The following RCAN2 variants were observed in gnomAD, a reference collection of about 807,000 sequenced individuals.
RCAN2 encodes regulator of calcineurin 2.
A neutral mutation model predicts 23.6 loss-of-function variants in RCAN2; 9 were observed. That is an observed-to-expected ratio of 0.38 (90% CI 0.23 to 0.67). The LOEUF (loss-of-function observed/expected upper bound fraction) is 0.67, where lower values mean the gene tolerates loss of function less well. Ranked by LOEUF, RCAN2 falls within the 30% of genes least tolerant of loss-of-function variation. The pLI is 0.51. For synonymous variants in RCAN2, 109 were observed against 115.7 expected (o/e 0.94, Z 0.37); for missense variants, 273 against 302.3 (o/e 0.90, Z 0.72).
At chr6:46,438,934 T>C (rs541701546) in intron 2 of RCAN2, among the ~76,000 whole-genome samples, 6 of 152,348 alleles carry the variant, frequency 3.9e-5, no homozygotes, top group African/African-American at 1.4e-4. Flanking sequence ...AGTGTATTTA[T>C]AAGTCACTGT....
intron 2 of RCAN2, among the ~76,000 whole-genome samples, chr6:46,422,685 T>C (rs1427575123): frequency 6.6e-6 from 1 of 151,950 alleles, no homozygotes; most frequent in Non-Finnish European, 1.5e-5. Flanking sequence ...TGAGTAAATG[T>C]AGTTAATTTA....
intron 2 of RCAN2, among the ~76,000 whole-genome samples, chr6:46,267,828 AATCTGTCATCTGTCTT>A (rs1480512676): frequency 1.4e-4 from 21 of 152,204 alleles, no homozygotes; most frequent in Non-Finnish European, 4.4e-5. Flanking sequence ...CTAGATGTAA[AATCTGTCATCTGTCTT>A]AAGAAAATCA....
chr6:46,347,021 A>G (rs1237411220), intron 2 of RCAN2, among the ~76,000 whole-genome samples: 1 of 151,866 alleles, frequency 6.6e-6, no homozygotes, highest in Non-Finnish European at 1.5e-5. Flanking sequence ...GACTACAGGC[A>G]CCCGCCACCA....
chr6:46,237,755 T>C (rs935750587), intron 4 of RCAN2, among the ~76,000 whole-genome samples: 39 of 152,318 alleles, frequency 2.6e-4, no homozygotes, highest in Admixed American at 9.8e-4. Context: ...AGGTAACAAA[T>C]ATGCTATGCG....
At chr6:46,466,473 C>T (rs996926034) in intron 1 of RCAN2, among the ~76,000 whole-genome samples, 1 of 152,106 alleles carries the variant, frequency 6.6e-6, no homozygotes, top group African/African-American at 2.4e-5. Context: ...GGAGGCAGGT[C>T]ACACTCCCTT....
chr6:46,472,862 A>T (rs775616033), intron 1 of RCAN2, among the ~76,000 whole-genome samples: 1 of 152,196 alleles, frequency 6.6e-6, no homozygotes, highest in Non-Finnish European at 1.5e-5. Flanking sequence ...AAGAGAGTAC[A>T]GGAACACTGG....
chr6:46,369,125 A>G (rs1765255677), intron 2 of RCAN2, among the ~76,000 whole-genome samples: 1 of 152,044 alleles, frequency 6.6e-6, no homozygotes, highest in African/African-American at 2.4e-5. Flanking sequence ...AACACACATT[A>G]GCCTAGGTCT....
chr6:46,269,695 G>A lies in RCAN2; in HGVS notation c.226-20799C>T, dbSNP rs189685899. The stretch of plus-strand genomic sequence containing the variant: ...TTGGATGGTAGGCTGAGGCCTGTGA[G>A]TGGAGGTTTTGTGTACAGGAGCTTC... On this transcript the variant is annotated intron_variant, in intron 2 of 4. Coordinates refer to ENST00000371374, the MANE Select transcript of RCAN2 (RefSeq NM_001251974.2). Among the ~76,000 whole-genome samples the A allele has an allele frequency of 4.0e-4, 61 of 152,328 alleles. 2 individuals are homozygous for A. In the East Asian group the frequency reaches 0.011, roughly 28 times the overall value.
At chr6:46,428,211 C>T (rs1196812375) in intron 2 of RCAN2, among the ~76,000 whole-genome samples, 1 of 152,176 alleles carries the variant, frequency 6.6e-6, no homozygotes, top group African/African-American at 2.4e-5. Flanking sequence ...TCTAAGGGTA[C>T]CAGCCAATGA....
At chr6:46,311,982 T>A (rs1192621873) in intron 2 of RCAN2, among the ~76,000 whole-genome samples, 1 of 152,182 alleles carries the variant, frequency 6.6e-6, no homozygotes, top group African/African-American at 2.4e-5. Context: ...TTCTGTCCAG[T>A]TGAATCTGAG....
chr6:46,281,526 G>A (rs551288496), intron 2 of RCAN2, among the ~76,000 whole-genome samples: 1 of 152,186 alleles, frequency 6.6e-6, no homozygotes, highest in Non-Finnish European at 1.5e-5. Flanking sequence ...AAGTGAAAAG[G>A]GAGATTTGAA....
chr6:46,460,645 A>G (rs1768179147), intron 1 of RCAN2, among the ~76,000 whole-genome samples: 1 of 152,286 alleles, frequency 6.6e-6, no homozygotes, highest in African/African-American at 2.4e-5. Context: ...TGTGATTACT[A>G]CTTTACTAGT....
intron 2 of RCAN2, among the ~76,000 whole-genome samples, chr6:46,444,386 G>A (rs2150424569): frequency 6.6e-6 from 1 of 152,268 alleles, no homozygotes; most frequent in African/African-American, 2.4e-5. Flanking sequence ...TTTGGCTTGG[G>A]GAGGGCTACA....
intron 1 of RCAN2, among the ~76,000 whole-genome samples, chr6:46,463,933 G>A (rs994526198): frequency 1.3e-5 from 2 of 151,996 alleles, no homozygotes; most frequent in Non-Finnish European, 2.9e-5. Flanking sequence ...TTTGCAATAA[G>A]GGCAACAAAT....
At chr6:46,337,717 T>A (rs1372568) in intron 2 of RCAN2, among the ~76,000 whole-genome samples, 1 of 152,068 alleles carries the variant, frequency 6.6e-6, no homozygotes, top group South Asian at 2.1e-4. Context: ...AGCCAGAGGC[T>A]CAGTGAAGTT....
At chr6:46,484,079 T>C (rs1287312953) in intron 1 of RCAN2, among the ~76,000 whole-genome samples, 1 of 152,246 alleles carries the variant, frequency 6.6e-6, no homozygotes, top group African/African-American at 2.4e-5. Context: ...ACTGGACTTT[T>C]AGCTTTAACA....
chr6:46,468,833 C>T, intron 1 of RCAN2: 1 of 985,400 alleles, frequency 1.0e-6, no homozygotes, highest in Non-Finnish European at 1.2e-6. Flanking sequence ...TGAGTGACTT[C>T]CTGAGTCTCA....
chr6:46,354,009 T>C (rs1764746557), intron 2 of RCAN2, among the ~76,000 whole-genome samples: 2 of 152,200 alleles, frequency 1.3e-5, no homozygotes, highest in African/African-American at 4.8e-5. Flanking sequence ...GGCAGACATC[T>C]TTTGTTTGAC....
chr6:46,367,021 G>GTATATATATATATATATATA (rs1458476806), intron 2 of RCAN2, among the ~76,000 whole-genome samples: 1 of 40,202 alleles, frequency 2.5e-5, no homozygotes, highest in Non-Finnish European at 5.5e-5. Flanking sequence ...TATCTGGGAT[G>GTATATATATATATATATATA]GATATATATA....
Sources: gnomAD v4.1 joint callset for allele counts (sites outside exome capture counted in the v4.1 genomes callset) on GRCh38, gnomAD v4.1.1 for gene constraint, MANE v1.5 for transcripts, NCBI Gene and HGNC (gene_info 2026-07-23, HGNC 2026-07-21) for gene names.